The following DRC3 variants were observed in gnomAD, a reference collection of about 807,000 sequenced individuals.
DRC3 encodes dynein regulatory complex subunit 3.
A neutral mutation model predicts 57.6 loss-of-function variants in DRC3; 45 were observed. That is an observed-to-expected ratio of 0.78 (90% CI 0.62 to 1.00). DRC3 has a LOEUF of 1.00. Ranked by LOEUF, DRC3 falls within the 50% of genes least tolerant of loss-of-function variation. DRC3 has a pLI of 0.00. For missense variants in DRC3, 655 were observed against 675.2 expected (o/e 0.97, Z 0.33); for synonymous variants, 257 against 272.3 (o/e 0.94, Z 0.55).
At chr17:17,986,563 A>G (rs1392770143) in intron 4 of DRC3, among the ~76,000 whole-genome samples, 2 of 151,294 alleles carry the variant, frequency 1.3e-5, no homozygotes, top group Non-Finnish European at 2.9e-5. Flanking sequence ...CCAAGGTTCA[A>G]GTGGTTCTCG....
chr17:17,976,712 G>A (rs2042403957), intron 2 of DRC3, among the ~76,000 whole-genome samples: 1 of 152,070 alleles, frequency 6.6e-6, no homozygotes, highest in African/African-American at 2.4e-5. Context: ...ATAACCTACT[G>A]GAGCTAGCTT....
intron 3 of DRC3, chr17:17,981,233 A>C (rs4072738): frequency 0.47 from 120,203 of 256,736 alleles, 31,742 homozygotes; most frequent in South Asian, 0.79. Flanking sequence ...TTCCTCCAGG[A>C]AAAACAGCAG....
intron 6 of DRC3, chr17:17,993,153 C>A (rs976345464): frequency 2.1e-6 from 1 of 465,438 alleles, no homozygotes; most frequent in Non-Finnish European, 3.9e-6. Context: ...CCCAGGGCCA[C>A]CTCACAGCCA....
At chr17:17,989,388 T>G (rs914536234) in intron 5 of DRC3, 1 of 152,378 alleles carries the variant, frequency 6.6e-6, no homozygotes, top group Non-Finnish European at 1.5e-5. Context: ...TGAGATGTAT[T>G]TGGGGCAGGT....
At chr17:17,974,275 C>T (rs560212445) in intron 2 of DRC3, among the ~76,000 whole-genome samples, 12 of 152,366 alleles carry the variant, frequency 7.9e-5, no homozygotes, top group African/African-American at 2.6e-4. Flanking sequence ...ATCTTGCTAA[C>T]ACCCTGGTCA....
intron 5 of DRC3, among the ~76,000 whole-genome samples, chr17:17,990,607 C>A (rs1348762948): frequency 1.3e-5 from 2 of 152,262 alleles, no homozygotes; most frequent in Non-Finnish European, 2.9e-5. Context: ...AATCTCCTAA[C>A]TGAAAGAGGC....
Position 17,977,590 on chromosome 17 carries a change from T to C in DRC3, c.-9T>C, listed in dbSNP as rs1486927452. The C allele has an allele frequency of 6.8e-6, 11 of 1,613,278 alleles. No homozygotes were observed. Among genetic ancestry groups the C allele is most frequent in the Non-Finnish European group, 9.3e-6 (11 of 1,179,682 alleles). On this transcript the variant is annotated 5_prime_UTR_variant, in exon 3 of 14. Coordinates refer to ENST00000399187, the MANE Select transcript of DRC3 (RefSeq NM_031294.4). ...AATGCGGTGTTTTTTAGGGAAAACG[T>C]GGGGGAAGATGAACCAGCCGTGCAA...
intron 9 of DRC3, among the ~76,000 whole-genome samples, chr17:18,000,046 G>GCATA (rs1233105581): frequency 5.3e-5 from 8 of 151,468 alleles, no homozygotes; most frequent in African/African-American, 1.9e-4. Flanking sequence ...GTGCGTGTAT[G>GCATA]CATAGCATGC....
At chr17:18,016,346 C>A (rs894008562) in intron 13 of DRC3, 151 bp downstream of exon 13, 2 of 953,954 alleles carry the variant, frequency 2.1e-6, no homozygotes, top group African/African-American at 3.3e-5. Flanking sequence ...CTGAAGACAA[C>A]ATTGCCCAGA....
At chr17:18,009,855 A>G (rs1329837524) in intron 12 of DRC3, among the ~76,000 whole-genome samples, 2 of 152,192 alleles carry the variant, frequency 1.3e-5, no homozygotes, top group Non-Finnish European at 2.9e-5. Context: ...CATGGGGCCA[A>G]TCTGTCCCAT....
rs1352808335 is a variant in DRC3 at position 17,997,505 on chromosome 17, T to C, written c.870T>C (p.Tyr290=). The C allele has an allele frequency of 4.3e-6, 7 of 1,613,224 alleles. No individual in the cohort carries two copies. The highest frequency in any genetic ancestry group is 5.9e-6 in the Non-Finnish European group (7 of 1,179,680). Reference sequence around the variant, plus strand: ...TCATCTGCGTGAATATTTTTGAGTATGGCCTGAAACAGCAGGAGAAGCGGA... The same window carrying C: ...TCATCTGCGTGAATATTTTTGAGTACGGCCTGAAACAGCAGGAGAAGCGGA... ...FVIICVNIFE[Y]GLKQQEKRKT... The change falls in exon 9 of 14, where the codon TAT becomes TAC. Residue 290 remains tyrosine (Y), a synonymous_variant. Transcript: ENST00000399187.
chr17:17,997,814 C>T (rs984880921), intron 9 of DRC3, among the ~76,000 whole-genome samples, 180 bp downstream of exon 9: 2 of 152,112 alleles, frequency 1.3e-5, no homozygotes, highest in African/African-American at 4.8e-5. Context: ...CAAGGCCCGC[C>T]TTACACCAGC....
Position 18,016,795 on chromosome 17 carries a change from C to T in DRC3, c.*124C>T, listed in dbSNP as rs577922548. On this transcript the variant is annotated 3_prime_UTR_variant, in exon 14 of 14. Coordinates refer to ENST00000399187, the MANE Select transcript of DRC3 (RefSeq NM_031294.4). ...GGCATCTCTCAACCGCGATCCCCAACACCATTCTTCCCCCACCCCTGGAAA... is the reference window on the plus strand; with the variant it reads ...GGCATCTCTCAACCGCGATCCCCAATACCATTCTTCCCCCACCCCTGGAAA... 5 of 547,484 alleles carry T rather than the reference C, an allele frequency of 9.1e-6. No individual in the cohort carries two copies. Among genetic ancestry groups the T allele is most frequent in the African/African-American group, 7.6e-5 (4 of 52,396 alleles). The allele number at this position is 547,484 out of a possible 1,614,324, so 33.9% of individuals were successfully genotyped here.
intron 3 of DRC3, among the ~76,000 whole-genome samples, chr17:17,978,724 C>T (rs1156846781): frequency 1.3e-5 from 2 of 152,184 alleles, no homozygotes; most frequent in South Asian, 2.1e-4. Context: ...GGCCCTGAGC[C>T]ACAGCCCCGG....
intron 3 of DRC3, among the ~76,000 whole-genome samples, chr17:17,980,096 C>T (rs2042587669): frequency 1.3e-5 from 2 of 152,226 alleles, no homozygotes; most frequent in African/African-American, 4.8e-5. Flanking sequence ...CCCCTCTGGA[C>T]CTGGGTCAGA....
At chr17:18,010,937 A>G in intron 12 of DRC3, 1 of 251,912 alleles carries the variant, frequency 4.0e-6, no homozygotes. Context: ...CTCAAGGATG[A>G]GGTTTTTTTT....
intron 11 of DRC3, 38 bp downstream of exon 11, chr17:18,006,291 C>A: frequency 2.0e-6 from 3 of 1,470,688 alleles, no homozygotes; most frequent in Non-Finnish European, 1.9e-6. Flanking sequence ...TGGGGAGGTG[C>A]TACAGAGCCC....
chr17:17,979,482 G>A (rs1018747444), intron 3 of DRC3, among the ~76,000 whole-genome samples: 3 of 152,358 alleles, frequency 2.0e-5, no homozygotes, highest in Non-Finnish European at 4.4e-5. Flanking sequence ...CCTGGCCGAG[G>A]TGGTGGCCAC....
intron 1 of DRC3, 117 bp from the exon 2 acceptor site, chr17:17,973,735 A>G (rs1306947336): frequency 6.6e-6 from 1 of 152,190 alleles, no homozygotes; most frequent in Non-Finnish European, 1.5e-5. Context: ...CGGCCTCCCA[A>G]AGAGCTGGGA....
Sources: gnomAD v4.1 joint callset for allele counts (sites outside exome capture counted in the v4.1 genomes callset) on GRCh38, gnomAD v4.1.1 for gene constraint, MANE v1.5 for transcripts, NCBI Gene and HGNC (gene_info 2026-07-23, HGNC 2026-07-21) for gene names.